Variants in KLF8 observed in about 807,000 individuals in gnomAD.
The protein encoded by KLF8 is KLF transcription factor 8.
KLF8 carries 10 observed loss-of-function variants against 18.2 expected under a neutral mutation model. The ratio of observed to expected loss-of-function variants is 0.55; its 90% CI spans 0.34 to 0.93. The LOEUF (loss-of-function observed/expected upper bound fraction) is 0.93, where lower values mean the gene tolerates loss of function less well. KLF8 is among the 40% of genes least tolerant of loss of function. KLF8 has a pLI of 0.02. For missense variants in KLF8, 264 were observed against 277.9 expected (o/e 0.95, Z 0.36); for synonymous variants, 109 against 97.3 (o/e 1.12, Z -0.71).
At chrX:56,110,104 A>C in the KLF8 span, among the ~76,000 whole-genome samples, 1 of 111,630 alleles carries the variant, frequency 9.0e-6, no homozygotes. Flanking sequence ...GTCCCTGCAA[A>C]GGACATGATC....
the KLF8 span, among the ~76,000 whole-genome samples, chrX:56,130,736 CA>C: frequency 9.0e-6 from 1 of 111,207 alleles, no homozygotes; most frequent in Non-Finnish European, 1.9e-5. Context: ...AAATGAAGTC[CA>C]AACTTTAAAA....
At chrX:55,990,252 G>C in the KLF8 span, among the ~76,000 whole-genome samples, 3 of 111,537 alleles carry the variant, frequency 2.7e-5, no homozygotes, top group Non-Finnish European at 5.6e-5. Context: ...GCTTTTGAAT[G>C]AGTTTGCTGT....
chrX:56,058,857 G>A, the KLF8 span, among the ~76,000 whole-genome samples: 21 of 111,675 alleles, frequency 1.9e-4, no homozygotes, highest in South Asian at 7.5e-3. Context: ...AAGCCTTTGG[G>A]TGTATACCCA....
At chrX:56,174,631 C>T in the KLF8 span, among the ~76,000 whole-genome samples, 3 of 111,696 alleles carry the variant, frequency 2.7e-5, no homozygotes, top group Admixed American at 1.9e-4. Context: ...AAGGAGGATT[C>T]CCTCTTTTTC....
chrX:56,196,377 A>G, the KLF8 span, among the ~76,000 whole-genome samples: 1 of 111,103 alleles, frequency 9.0e-6, no homozygotes, highest in Non-Finnish European at 1.9e-5. Flanking sequence ...AAATAAAGGG[A>G]TGAAGGAAGA....
At chrX:56,260,900 C>A (rs1256735067) in intron 2 of KLF8, among the ~76,000 whole-genome samples, 2 of 111,808 alleles carry the variant, frequency 1.8e-5, no homozygotes, top group African/African-American at 6.5e-5. Flanking sequence ...TCTCCTTCCA[C>A]CTACTGTGCT....
At chrX:55,917,175 C>T in the KLF8 span, among the ~76,000 whole-genome samples, 51 of 112,206 alleles carry the variant, frequency 4.5e-4, no homozygotes, top group South Asian at 1.5e-3. Flanking sequence ...TTGCTTATTT[C>T]CAGAGTGAGA....
the KLF8 span, among the ~76,000 whole-genome samples, chrX:55,934,873 A>C: frequency 8.9e-6 from 1 of 111,997 alleles, no homozygotes; most frequent in East Asian, 2.8e-4. Context: ...TTCCTGAGAA[A>C]AGCATGGAAA....
chrX:56,218,937 C>T, the KLF8 span, among the ~76,000 whole-genome samples: 10 of 111,921 alleles, frequency 8.9e-5, no homozygotes, highest in African/African-American at 3.2e-4. Context: ...TTGAGATTCT[C>T]ATAATATTTT....
the KLF8 span, among the ~76,000 whole-genome samples, chrX:55,999,448 C>T: frequency 0.12 from 12,611 of 107,864 alleles, 1,899 homozygotes; most frequent in African/African-American, 0.41. Flanking sequence ...TTTCATAATA[C>T]TGATTCTTCC....
At chrX:56,005,534 T>A in the KLF8 span, among the ~76,000 whole-genome samples, 2 of 109,416 alleles carry the variant, frequency 1.8e-5, no homozygotes, top group Non-Finnish European at 3.8e-5. Context: ...GCACAGGGGG[T>A]GGGGTGGGGT....
the KLF8 span, among the ~76,000 whole-genome samples, chrX:56,080,008 T>C: frequency 4.5e-5 from 5 of 111,377 alleles, no homozygotes; most frequent in African/African-American, 1.6e-4. Context: ...TTGGTAGATC[T>C]TCCTCCATCC....
At chrX:56,259,983 A>T (rs895297987) in intron 2 of KLF8, among the ~76,000 whole-genome samples, 1 of 111,104 alleles carries the variant, frequency 9.0e-6, no homozygotes, top group African/African-American at 3.3e-5. Flanking sequence ...AGTTATTGTC[A>T]GGGTCATGCT....
the KLF8 span, among the ~76,000 whole-genome samples, chrX:56,093,136 C>G: frequency 9.1e-6 from 1 of 110,340 alleles, no homozygotes; most frequent in Non-Finnish European, 1.9e-5. Flanking sequence ...ATGTTTGAAA[C>G]AGTGATGCCT....
At chrX:56,206,249 T>G in the KLF8 span, among the ~76,000 whole-genome samples, 1 of 110,751 alleles carries the variant, frequency 9.0e-6, no homozygotes, top group Non-Finnish European at 1.9e-5. Flanking sequence ...TCACATCTCA[T>G]GTCCTCATAT....
intron 5 of KLF8, among the ~76,000 whole-genome samples, chrX:56,278,730 C>T (rs1265846485): frequency 9.0e-6 from 1 of 111,488 alleles, no homozygotes; most frequent in East Asian, 2.8e-4. Context: ...TAGGACTCAC[C>T]TAAGACTTGA....
chrX:56,188,098 A>G, the KLF8 span, among the ~76,000 whole-genome samples: 2 of 111,223 alleles, frequency 1.8e-5, no homozygotes, highest in East Asian at 2.8e-4. Context: ...CTGTTTGCAG[A>G]TGACATGATT....
At chrX:56,062,708 C>T in the KLF8 span, among the ~76,000 whole-genome samples, 1 of 110,876 alleles carries the variant, frequency 9.0e-6, no homozygotes, top group Admixed American at 9.6e-5. Context: ...GAATGTTGGC[C>T]TGTCTTGCTA....
the KLF8 span, among the ~76,000 whole-genome samples, chrX:56,183,693 G>A: frequency 2.1e-4 from 23 of 111,417 alleles, no homozygotes; most frequent in African/African-American, 6.9e-4. Context: ...TATCACCAGA[G>A]AAAACTACCT....
Sources: gnomAD v4.1 joint callset for allele counts (sites outside exome capture counted in the v4.1 genomes callset) on GRCh38, gnomAD v4.1.1 for gene constraint, MANE v1.5 for transcripts, NCBI Gene and HGNC (gene_info 2026-07-23, HGNC 2026-07-21) for gene names.